The following IQSEC1 variants were observed in gnomAD, a reference collection of about 807,000 sequenced individuals.
The protein encoded by IQSEC1 is IQ motif and SEC7 domain-containing protein 1.
In IQSEC1, 31 loss-of-function variants were observed where a neutral mutation model predicts 91.0. That is an observed-to-expected ratio of 0.34 (90% CI 0.26 to 0.46). The LOEUF is 0.46. Ranked by LOEUF, IQSEC1 falls within the 20% of genes least tolerant of loss-of-function variation. The pLI, the probability that IQSEC1 is intolerant of heterozygous loss-of-function variation, is 1.00. For synonymous variants in IQSEC1, 699 were observed against 662.6 expected (o/e 1.05, Z -0.84); for missense variants, 1,388 against 1,575.6 (o/e 0.88, Z 2.02).
In IQSEC1 at chr3:12,899,635, G is replaced by A. The variant is rs760363452; in HGVS notation, c.*1348C>T. 1.9e-4 allele frequency: 188 copies of A among 985,292 alleles called. No individual in the cohort carries two copies. Among genetic ancestry groups the A allele is most frequent in the South Asian group, 2.3e-4 (5 of 21,292 alleles). The allele number at this position is 985,292 out of a possible 1,614,324, so 61.0% of individuals were successfully genotyped here. ...CGTCGGCTGGGGTCACACGGGCCAC[G>A]GTGAGGACACAGGGGTTCTGCTAGC... On this transcript the variant is annotated 3_prime_UTR_variant, in exon 14 of 14. Transcript: ENST00000613206.
intron 1 of IQSEC1, among the ~76,000 whole-genome samples, chr3:12,989,126 A>G (rs1199917477): frequency 1.3e-5 from 2 of 152,250 alleles, no homozygotes; most frequent in Non-Finnish European, 2.9e-5. Context: ...GGTTGATTTT[A>G]GCATTTAGCA....
intron 1 of IQSEC1, among the ~76,000 whole-genome samples, chr3:13,178,831 T>A (rs1456360554): frequency 2.0e-5 from 3 of 152,256 alleles, no homozygotes; most frequent in Admixed American, 6.5e-5. Context: ...TCCCATAGAC[T>A]GTTCTTTTTT....
At chr3:12,919,072 G>C (rs1696370632) in intron 6 of IQSEC1, among the ~76,000 whole-genome samples, 1 of 149,494 alleles carries the variant, frequency 6.7e-6, no homozygotes, top group South Asian at 2.1e-4. Flanking sequence ...GAGAAGGGAG[G>C]CTCAGGATGA....
intron 1 of IQSEC1, among the ~76,000 whole-genome samples, chr3:13,281,378 G>A (rs1182707070): frequency 2.6e-5 from 4 of 152,112 alleles, no homozygotes; most frequent in Non-Finnish European, 5.9e-5. Context: ...AGTGACACCA[G>A]TTAGGAGCTA....
intron 2 of IQSEC1, among the ~76,000 whole-genome samples, chr3:13,100,171 G>A (rs1706033097): frequency 6.8e-6 from 1 of 147,894 alleles, no homozygotes; most frequent in African/African-American, 2.6e-5. Flanking sequence ...GAGACTCCGT[G>A]GTCCTAACCC....
At chr3:13,031,271 A>C (rs555193236) in intron 1 of IQSEC1, among the ~76,000 whole-genome samples, 2 of 152,314 alleles carry the variant, frequency 1.3e-5, no homozygotes, top group Non-Finnish European at 2.9e-5. Context: ...CTTCTCCTCT[A>C]TCAGGGAATG....
In IQSEC1 at chr3:12,901,306, C is replaced by T; in HGVS notation, c.3022G>A (p.Val1008Met). 1 of 1,540,512 alleles carries T rather than the reference C, an allele frequency of 6.5e-7. No homozygotes were observed. The highest frequency in any genetic ancestry group is 2.5e-5 in the East Asian group (1 of 40,410). ...PVVLPHLQHS[V>M]AGHHLGPPEG... ...GGGGGCCCCAGGTGGTGGCCAGCCA[C>T]AGAGTGCTGCAAGTGAGGCAGGACC... is the stretch of plus-strand genomic sequence containing the variant. The change falls in exon 14 of 14, where the codon GTG becomes ATG. Residue 1008 changes from valine (V) to methionine (M), a missense_variant. Val to Met is a conservative substitution (Grantham distance 21). Transcript: ENST00000613206.
At chr3:13,076,491 G>T (rs1011534789), upstream of IQSEC1, among the ~76,000 whole-genome samples, 1 of 152,206 alleles carries the variant, frequency 6.6e-6, no homozygotes, top group Admixed American at 6.5e-5. Flanking sequence ...CTGTCCCCAA[G>T]GTGGGAGGAA....
intron 1 of IQSEC1, among the ~76,000 whole-genome samples, chr3:13,041,655 C>G (rs76252724): frequency 6.6e-6 from 1 of 152,188 alleles, no homozygotes. Context: ...CACACACGCT[C>G]GGAAGAACCT....
chr3:12,921,678 G>A (rs1696643316), intron 5 of IQSEC1, among the ~76,000 whole-genome samples: 2 of 152,240 alleles, frequency 1.3e-5, no homozygotes, highest in Non-Finnish European at 1.5e-5. Context: ...GGTAGAGTCG[G>A]TGACTGAACC....
intron 1 of IQSEC1, among the ~76,000 whole-genome samples, chr3:13,046,380 C>T (rs1356558842): frequency 1.3e-5 from 2 of 152,234 alleles, no homozygotes; most frequent in African/African-American, 4.8e-5. Flanking sequence ...GGCGGGGCTG[C>T]CAGTCCCTAG....
chr3:12,916,064 C>G (rs998627661), intron 6 of IQSEC1, among the ~76,000 whole-genome samples: 3 of 152,192 alleles, frequency 2.0e-5, no homozygotes, highest in African/African-American at 7.2e-5. Flanking sequence ...CTCCATTCCA[C>G]AGATGGGAAG....
chr3:13,034,109 C>T (rs956850645), intron 1 of IQSEC1, among the ~76,000 whole-genome samples: 4 of 152,190 alleles, frequency 2.6e-5, no homozygotes, highest in Non-Finnish European at 5.9e-5. Flanking sequence ...GGGGTTACGA[C>T]GTCAGCATGT....
chr3:13,095,258 T>A (rs1156893671), intron 2 of IQSEC1, among the ~76,000 whole-genome samples: 2 of 151,850 alleles, frequency 1.3e-5, no homozygotes, highest in Middle Eastern at 3.4e-3. Context: ...GTTGGAAAGG[T>A]GTGGTCAATC....
rs1695823184 is a variant in IQSEC1, at chr3:13,282,914, G to T, written c.69C>A (p.Ala23=). Residue 23 remains alanine, a synonymous_variant, in exon 1 of 16, where the codon GCC becomes GCA. Transcript: ENST00000648114. This position sits in a 1 kb window ranked among gnomAD's most constrained non-coding sequence, Gnocchi z 6.4. Reference sequence around the variant, plus strand: ...GGCGCGCCAGCAGCTCCTGCTGCGCGGCGACGATCCGGGTCAGCTCCTGCA... The same window carrying T: ...GGCGCGCCAGCAGCTCCTGCTGCGCTGCGACGATCCGGGTCAGCTCCTGCA... 2.0e-5 allele frequency among the ~76,000 whole-genome samples: 3 copies of T among 147,524 alleles called. No homozygotes were observed. The South Asian group carries it at 6.2e-4, about 31-fold the overall frequency.
At chr3:12,902,883 C>CCTGGTGCCACG in intron 12 of IQSEC1, 61 bp from the exon 13 acceptor site, 1 of 1,238,422 alleles carries the variant, frequency 8.1e-7, no homozygotes, top group Non-Finnish European at 1.2e-6. Flanking sequence ...GTGCTGCCTG[C>CCTGGTGCCACG]CTGGTGCCAC....
chr3:12,986,933 A>T, intron 1 of IQSEC1: 1 of 352,906 alleles, frequency 2.8e-6, no homozygotes, highest in African/African-American at 2.2e-5. Context: ...AGCTAGAGAT[A>T]CTAATAGTGG....
chr3:12,962,845 G>A (rs765918319), intron 1 of IQSEC1, among the ~76,000 whole-genome samples: 4 of 152,238 alleles, frequency 2.6e-5, no homozygotes, highest in Non-Finnish European at 4.4e-5. Context: ...AGGAAGGCCC[G>A]GTGAGTGGTC....
At chr3:13,160,632 C>T (rs540605189) in intron 2 of IQSEC1, among the ~76,000 whole-genome samples, 1 of 152,384 alleles carries the variant, frequency 6.6e-6, no homozygotes, top group South Asian at 2.1e-4. Context: ...GCAGTCTCCA[C>T]TGAGCATGGG....
Sources: allele counts gnomAD v4.1 joint callset (sites outside exome capture counted in the v4.1 genomes callset), GRCh38; gene constraint gnomAD v4.1.1; non-coding constraint Gnocchi (gnomAD v3.1); transcripts MANE v1.5; gene names NCBI Gene and HGNC (gene_info 2026-07-23, HGNC 2026-07-21).